ATP8A2: variants seen among roughly 807,000 people sequenced by gnomAD.
The protein encoded by ATP8A2 is phospholipid-transporting ATPase IB.
A neutral mutation model predicts 165.6 loss-of-function variants in ATP8A2; 100 were observed. The observed-to-expected ratio is 0.60, with a 90% CI of 0.51 to 0.71. The LOEUF (loss-of-function observed/expected upper bound fraction) is 0.71. Among genes scored for constraint, ATP8A2 ranks in the 30% least tolerant of loss-of-function variants. The probability of loss-of-function intolerance (pLI) is 0.00; values close to 1 mark genes in which losing one functional copy is unlikely to be tolerated. For missense variants in ATP8A2, 1,227 were observed against 1,479.5 expected (o/e 0.83, Z 2.80); for synonymous variants, 543 against 548.8 (o/e 0.99, Z 0.15).
intron 25 of ATP8A2, among the ~76,000 whole-genome samples, chr13:25,759,103 G>A (rs1349664787): frequency 1.3e-5 from 2 of 152,140 alleles, no homozygotes; most frequent in African/African-American, 2.4e-5. Context: ...AGCACACATG[G>A]TGTTGGCCAT....
intron 21 of ATP8A2, among the ~76,000 whole-genome samples, chr13:25,579,434 G>A (rs2039707249): frequency 6.6e-6 from 1 of 152,152 alleles, no homozygotes; most frequent in Admixed American, 6.5e-5. Context: ...CTGCCTGAAA[G>A]CCTGGATCTT....
At chr13:25,583,779 G>A (rs1265660518) in intron 23 of ATP8A2, among the ~76,000 whole-genome samples, 1 of 152,188 alleles carries the variant, frequency 6.6e-6, no homozygotes, top group Non-Finnish European at 1.5e-5. Flanking sequence ...TGAGATAATT[G>A]ATACCTGTCC....
At position 25,953,824 on chromosome 13, in the gene ATP8A2, G is replaced by A. The variant is rs56782885; in HGVS notation, c.3184-7751G>A. ...GTAAGGAACCATGCATTCCGTCCCA[G>A]ATACTATGCTTTTCCCATGGTCTTC... On this transcript the variant is annotated intron_variant, in intron 33 of 36. Coordinates refer to ENST00000381655, the MANE Select transcript of ATP8A2 (RefSeq NM_016529.6). This position sits in a 1 kb window ranked among gnomAD's most constrained non-coding sequence, Gnocchi z 6.7. Among the ~76,000 whole-genome samples the A allele has an allele frequency of 3.3e-5, 5 of 152,308 alleles. No individual in the cohort carries two copies. Among genetic ancestry groups the A allele is most frequent in the Middle Eastern group, 3.4e-3 (1 of 294 alleles).
In ATP8A2 at chr13:25,769,033, T is replaced by C; in HGVS notation, c.2385-13T>C. The C allele has an allele frequency of 6.2e-7, 1 of 1,613,600 alleles. No individual in the cohort carries two copies. On this transcript the variant is annotated splice_polypyrimidine_tract_variant and intron_variant, in intron 25 of 36. Transcript: ENST00000381655. Reference sequence around the variant, plus strand: ...GACATGCATAGCTCTGATTTCCCTCTCTTTTCTCACAGAGTGTCTCCTCTG... The same window carrying C: ...GACATGCATAGCTCTGATTTCCCTCCCTTTTCTCACAGAGTGTCTCCTCTG...
chr13:25,670,425 A>G, intron 24 of ATP8A2, among the ~76,000 whole-genome samples: 1 of 152,114 alleles, frequency 6.6e-6, no homozygotes, highest in Non-Finnish European at 1.5e-5. Flanking sequence ...GGTTGTTCTC[A>G]TCCTCTTCCC....
At chr13:25,618,418 T>G (rs1418651914) in intron 24 of ATP8A2, among the ~76,000 whole-genome samples, 1 of 151,922 alleles carries the variant, frequency 6.6e-6, no homozygotes, top group African/African-American at 2.4e-5. Context: ...CTCATTGCCA[T>G]GAGGAAAGAT....
At chr13:25,634,945 T>C (rs2041333253) in intron 24 of ATP8A2, among the ~76,000 whole-genome samples, 2 of 152,130 alleles carry the variant, frequency 1.3e-5, no homozygotes, top group South Asian at 4.1e-4. Flanking sequence ...AAGCACTTTT[T>C]TTTGGATGGG....
rs1362066903 is a variant in ATP8A2, at chr13:25,953,542, AAAAAG to A, written c.3184-8032_3184-8028del. On this transcript the variant is annotated intron_variant, in intron 33 of 36. Transcript: ENST00000381655. This position sits in a 1 kb window ranked among gnomAD's most constrained non-coding sequence, Gnocchi z 6.7. ...CTTTTTAAAAAAAAAAAAAAAAAAA[AAAAAG>A]CAAGGGAAATAGGCAAGACGGCCAA... Among the ~76,000 whole-genome samples, 7,390 of 137,094 alleles carry A rather than the reference AAAAAG, an allele frequency of 0.054. 285 individuals are homozygous for A. The highest frequency in any genetic ancestry group is 0.12 in the African/African-American group (4,274 of 36,054). The allele number at this position is 137,094 out of a possible 152,430, so 89.9% of individuals were successfully genotyped here.
chr13:25,605,661 C>T (rs2040496928), intron 24 of ATP8A2, among the ~76,000 whole-genome samples: 1 of 152,046 alleles, frequency 6.6e-6, no homozygotes, highest in African/African-American at 2.4e-5. Context: ...TTCATGTTAA[C>T]CTAGTTTTTT....
chr13:25,980,157 C>G (rs1382640130), intron 35 of ATP8A2, among the ~76,000 whole-genome samples: 1 of 152,200 alleles, frequency 6.6e-6, no homozygotes, highest in Non-Finnish European at 1.5e-5. Flanking sequence ...TTTGTGCAGC[C>G]TTCCTTCCCG....
intron 1 of ATP8A2, among the ~76,000 whole-genome samples, chr13:25,397,110 A>G (rs2033453816): frequency 6.6e-6 from 1 of 152,198 alleles, no homozygotes; most frequent in African/African-American, 2.4e-5. Context: ...GAAGACGGGA[A>G]CAGAGCCTAG....
chr13:25,765,051 A>G (rs181169833), intron 25 of ATP8A2, among the ~76,000 whole-genome samples: 165 of 152,370 alleles, frequency 1.1e-3, no homozygotes, highest in African/African-American at 3.8e-3. Context: ...CCAAGGTTTC[A>G]CTAAAGTGTT....
intron 2 of ATP8A2, among the ~76,000 whole-genome samples, chr13:25,514,740 C>G (rs1039972535): frequency 6.6e-6 from 1 of 152,138 alleles, no homozygotes; most frequent in African/African-American, 2.4e-5. Context: ...CAAATACCTC[C>G]CTTTGCTTTC....
chr13:25,956,891 C>G (rs1955537632), intron 33 of ATP8A2, among the ~76,000 whole-genome samples: 1 of 152,158 alleles, frequency 6.6e-6, no homozygotes, highest in Admixed American at 6.5e-5. Context: ...CTACAGTAAC[C>G]AAAACAGCAT....
chr13:25,561,492 G>A (rs185055671), intron 15 of ATP8A2, among the ~76,000 whole-genome samples: 10 of 151,872 alleles, frequency 6.6e-5, no homozygotes, highest in Non-Finnish European at 7.4e-5. Context: ...TTTGCATTCC[G>A]TGTTTTCTCT....
intron 33 of ATP8A2, among the ~76,000 whole-genome samples, chr13:25,871,843 C>A (rs530864418): frequency 6.6e-6 from 1 of 152,190 alleles, no homozygotes; most frequent in Non-Finnish European, 1.5e-5. Context: ...ATGTATACTT[C>A]GATTCGCAAT....
chr13:25,551,941 T>C (rs1203960117), intron 11 of ATP8A2, among the ~76,000 whole-genome samples: 1 of 152,074 alleles, frequency 6.6e-6, no homozygotes, highest in African/African-American at 2.4e-5. Context: ...TTTGTGTCTC[T>C]TAAAGAAGCT....
intron 1 of ATP8A2, among the ~76,000 whole-genome samples, chr13:25,461,215 T>C (rs1372089734): frequency 6.6e-6 from 1 of 152,228 alleles, no homozygotes; most frequent in Non-Finnish European, 1.5e-5. Context: ...TTGCAGATGC[T>C]AGATTTGGAG....
intron 24 of ATP8A2, among the ~76,000 whole-genome samples, chr13:25,649,566 C>G (rs1445256573): frequency 6.6e-6 from 1 of 152,136 alleles, no homozygotes; most frequent in Admixed American, 6.5e-5. Context: ...TGTAAACTTT[C>G]CCTCTGCTGT....
Sources: gnomAD v4.1 joint callset for allele counts (sites outside exome capture counted in the v4.1 genomes callset) on GRCh38, gnomAD v4.1.1 for gene constraint, Gnocchi (gnomAD v3.1) non-coding constraint, MANE v1.5 for transcripts, NCBI Gene and HGNC (gene_info 2026-07-23, HGNC 2026-07-21) for gene names.